Variants in POMGNT2 observed in about 807,000 individuals in gnomAD.
The protein encoded by POMGNT2 is protein O-linked-mannose beta-1,4-N-acetylglucosaminyltransferase 2.
A neutral mutation model predicts 37.8 loss-of-function variants in POMGNT2; 32 were observed. The ratio of observed to expected loss-of-function variants is 0.85; its 90% CI spans 0.64 to 1.14. The LOEUF (loss-of-function observed/expected upper bound fraction) is 1.14. Among genes scored for constraint, POMGNT2 ranks in the 50% most tolerant of loss-of-function variants. POMGNT2 has a pLI of 0.00. For synonymous variants in POMGNT2, 340 were observed against 336.8 expected (o/e 1.01, Z -0.10); for missense variants, 705 against 780.6 (o/e 0.90, Z 1.15).
rs2089842260 is a variant in POMGNT2 at position 43,080,605 on chromosome 3, T to C, written c.827A>G (p.Asn276Ser). Residue 276 changes from asparagine (N) to serine (S), a missense_variant, in exon 2 of 2, where the codon AAC becomes AGC. Physicochemically the swap from Asn to Ser is conservative, Grantham distance 46 (BLOSUM62 1). Transcript: ENST00000344697. ...TAGGGGGACTCCTGTGTGGCTCACGTTCAGCTTTTCTGTCATGAACCGTGC... is the reference window on the plus strand; with the variant it reads ...TAGGGGGACTCCTGTGTGGCTCACGCTCAGCTTTTCTGTCATGAACCGTGC... ...QFARFMTEKL[N>S]VSHTGVPLGE... 1 of 1,614,122 alleles carries C rather than the reference T, an allele frequency of 6.2e-7. No individual in the cohort carries two copies. Among genetic ancestry groups the C allele is most frequent in the Non-Finnish European group, 8.5e-7 (1 of 1,180,046 alleles).
rs142544113 is a variant in POMGNT2, at chr3:43,084,277, T to C, written c.-105-2741A>G. ...TCCCCCAAATGTGGGAAATAGCCAT[T>C]ATTTCCTTGAAAACTTTTTCAGCCC... On this transcript the variant is annotated intron_variant, in intron 1 of 1. Coordinates refer to ENST00000344697, the MANE Select transcript of POMGNT2 (RefSeq NM_032806.6). Among the ~76,000 whole-genome samples the C allele has an allele frequency of 2.0e-4, 31 of 152,216 alleles. No individual in the cohort carries two copies. In the East Asian group the frequency reaches 6.0e-3, roughly 29 times the overall value.
intron 1 of POMGNT2, among the ~76,000 whole-genome samples, chr3:43,082,292 G>A (rs922539555): frequency 2.6e-5 from 4 of 152,124 alleles, no homozygotes; most frequent in Admixed American, 6.5e-5. Flanking sequence ...CCAGTATGCC[G>A]CCTTTGAGAG....
intron 1 of POMGNT2, among the ~76,000 whole-genome samples, chr3:43,088,567 T>C (rs1290104542): frequency 6.6e-6 from 1 of 152,144 alleles, no homozygotes; most frequent in Admixed American, 6.5e-5. Context: ...GCACCTCAGG[T>C]GGACTGTCAG....
intron 1 of POMGNT2, among the ~76,000 whole-genome samples, chr3:43,085,368 C>T (rs1452714218): frequency 6.6e-6 from 1 of 152,076 alleles, no homozygotes; most frequent in Non-Finnish European, 1.5e-5. Flanking sequence ...CCCATAATTC[C>T]CACATGTTGT....
At chr3:43,092,301 T>C (rs997535337) in intron 1 of POMGNT2, among the ~76,000 whole-genome samples, 1 of 152,200 alleles carries the variant, frequency 6.6e-6, no homozygotes, top group Admixed American at 6.5e-5. Flanking sequence ...TTTTGTTTTG[T>C]TTTGTTTTTT....
At chr3:43,095,638 T>A (rs1366956144) in intron 1 of POMGNT2, among the ~76,000 whole-genome samples, 2 of 152,190 alleles carry the variant, frequency 1.3e-5, no homozygotes, top group Non-Finnish European at 2.9e-5. Flanking sequence ...TATTCCCTAT[T>A]TTTAGATGAG....
chr3:43,096,770 A>C (rs1017143988), intron 1 of POMGNT2, among the ~76,000 whole-genome samples: 4 of 152,202 alleles, frequency 2.6e-5, no homozygotes, highest in Admixed American at 6.5e-5. Flanking sequence ...TTTCAAAAGA[A>C]AGAGAAAAAA....
intron 1 of POMGNT2, chr3:43,090,588 A>G (rs2089935454): frequency 1.3e-5 from 2 of 152,176 alleles, no homozygotes; most frequent in African/African-American, 4.8e-5. Flanking sequence ...GATCTCTAGG[A>G]GGAAAGAAGA....
chr3:43,080,724 G>A lies in POMGNT2; in HGVS notation c.708C>T (p.Leu236=), dbSNP rs367585873. ...ACTGGTACCAGGTAGTGATCTTGGA[G>A]AGGCCCACAAAAGCATGGGAGAAGC... ...LLCFSHAFVG[L]SKITTWYQYG... The change falls in exon 2 of 2, where the codon CTC becomes CTT. Residue 236 remains leucine (L), a synonymous_variant. Coordinates refer to ENST00000344697, the MANE Select transcript of POMGNT2 (RefSeq NM_032806.6). 3.7e-6 allele frequency: 6 copies of A among 1,614,040 alleles called. No individual in the cohort carries two copies. The African/African-American group carries it at 6.7e-5, about 18-fold the overall frequency.
In POMGNT2 at chr3:43,080,039, C is replaced by G; in HGVS notation, c.1393G>C (p.Val465Leu). ...TTCCGTGGTCCTGGCCGGCCCTTCACCACGCGCCGTATGGTTTGAATGAGG... is the reference window on the plus strand; with the variant it reads ...TTCCGTGGTCCTGGCCGGCCCTTCAGCACGCGCCGTATGGTTTGAATGAGG... Reference protein sequence around the residue: ...PSLIQTIRRVVKGRPGPRKQK... With the variant: ...PSLIQTIRRVLKGRPGPRKQK... Residue 465 changes from valine (V) to leucine (L), a missense_variant, in exon 2 of 2, where the codon GTG becomes CTG. Val to Leu is a conservative substitution (Grantham distance 32). Transcript: ENST00000344697. 1 of 1,613,852 alleles carries G rather than the reference C, an allele frequency of 6.2e-7. No individual in the cohort carries two copies. The highest frequency in any genetic ancestry group is 8.5e-7 in the Non-Finnish European group (1 of 1,180,014).
At position 43,081,000 on chromosome 3, in the gene POMGNT2, G is replaced by C; in HGVS notation, c.432C>G (p.Pro144=). 6.2e-7 allele frequency: 1 copy of C among 1,614,220 alleles called. No homozygotes were observed. Among genetic ancestry groups the C allele is most frequent in the Non-Finnish European group, 8.5e-7 (1 of 1,180,044 alleles). ...ELPAAALRFM[P]KPVFVPDVAL... Reference sequence around the variant, plus strand: ...CCACGTCTGGCACGAACACCGGCTTGGGCATGAAGCGCAGGGCAGCAGCAG... The same window carrying C: ...CCACGTCTGGCACGAACACCGGCTTCGGCATGAAGCGCAGGGCAGCAGCAG... The change falls in exon 2 of 2, where the codon CCC becomes CCG. Residue 144 remains proline (P), a synonymous_variant. Transcript: ENST00000344697.
Position 43,095,885 on chromosome 3 carries a change from C to G in POMGNT2, c.-106+9951G>C, listed in dbSNP as rs578213914. Among the ~76,000 whole-genome samples, 4 of 152,270 alleles carry G rather than the reference C, an allele frequency of 2.6e-5. No homozygotes were observed. In the South Asian group the frequency reaches 8.3e-4, roughly 32 times the overall value. ...CCAAATAAGGGCACGCACATCCCAC[C>G]CTACTTTGCAGCCCAGTCCCCTCCT... is the stretch of plus-strand genomic sequence containing the variant. On this transcript the variant is annotated intron_variant, in intron 1 of 1. Coordinates refer to ENST00000344697, the MANE Select transcript of POMGNT2 (RefSeq NM_032806.6).
chr3:43,088,882 T>C (rs1452804755), intron 1 of POMGNT2, among the ~76,000 whole-genome samples: 1 of 152,142 alleles, frequency 6.6e-6, no homozygotes, highest in African/African-American at 2.4e-5. Context: ...CCAGGTTGGG[T>C]TGGGATTTTG....
intron 1 of POMGNT2, among the ~76,000 whole-genome samples, chr3:43,090,225 T>C (rs530729424): frequency 6.6e-6 from 1 of 152,340 alleles, no homozygotes; most frequent in East Asian, 1.9e-4. Context: ...GACTCTCTTC[T>C]GCAAAGTCTG....
rs1409431378 is a variant in POMGNT2, at chr3:43,079,791, A to G, written c.1641T>C (p.Thr547=). Reference sequence around the variant, plus strand: ...AGGTGGTGAAGGGCTTGATGTTCTCAGTGAAGGTGTGGTTCTGCAGAGCCA... The same window carrying G: ...AGGTGGTGAAGGGCTTGATGTTCTCGGTGAAGGTGTGGTTCTGCAGAGCCA... ...YILALQNHTF[T]ENIKPFTTYL... Residue 547 remains threonine (T), a synonymous_variant, in exon 2 of 2, where the codon ACT becomes ACC. Coordinates refer to ENST00000344697, the MANE Select transcript of POMGNT2 (RefSeq NM_032806.6). 6.2e-7 allele frequency: 1 copy of G among 1,614,202 alleles called. No homozygotes were observed. The highest frequency in any genetic ancestry group is 1.1e-5 in the South Asian group (1 of 91,090).
In POMGNT2 at chr3:43,097,487, G is replaced by A. The variant is rs898632385; in HGVS notation, c.-106+8349C>T. On this transcript the variant is annotated intron_variant, in intron 1 of 1. Transcript: ENST00000344697. ...CTCTGTGTGGTGGGGAGGGAGGAGA[G>A]GGGCAGGTGAGCAAGGGGGAAAGGG... 4.6e-5 allele frequency among the ~76,000 whole-genome samples: 7 copies of A among 152,146 alleles called. 1 individual carries two copies. Among genetic ancestry groups the A allele is most frequent in the Admixed American group, 3.3e-4 (5 of 15,282 alleles).
At chr3:43,081,771 T>A (rs1173131808) in intron 1 of POMGNT2, among the ~76,000 whole-genome samples, 1 of 152,244 alleles carries the variant, frequency 6.6e-6, no homozygotes, top group Admixed American at 6.5e-5. Context: ...GACTTTGGGC[T>A]TAGCCATTTA....
chr3:43,092,675 C>T (rs2125708081), intron 1 of POMGNT2, among the ~76,000 whole-genome samples: 1 of 152,236 alleles, frequency 6.6e-6, no homozygotes, highest in South Asian at 2.1e-4. Flanking sequence ...CTCCAGCAAA[C>T]AAAGTAGACA....
At chr3:43,085,381 G>A (rs1374620296) in intron 1 of POMGNT2, among the ~76,000 whole-genome samples, 2 of 152,118 alleles carry the variant, frequency 1.3e-5, no homozygotes, top group Non-Finnish European at 2.9e-5. Context: ...CATGTTGTGG[G>A]AAGGACCTGG....
Sources: gnomAD v4.1 joint callset for allele counts (sites outside exome capture counted in the v4.1 genomes callset) on GRCh38, gnomAD v4.1.1 for gene constraint, MANE v1.5 for transcripts, NCBI Gene and HGNC (gene_info 2026-07-23, HGNC 2026-07-21) for gene names.